The following STXBP5 variants were observed in gnomAD, a reference collection of about 807,000 sequenced individuals.
The protein encoded by STXBP5 is syntaxin binding protein 5, also known as syntaxin-binding protein 5.
In STXBP5, 50 loss-of-function variants were observed where a neutral mutation model predicts 152.4. The observed-to-expected ratio is 0.33, with a 90% CI of 0.26 to 0.42. The LOEUF is 0.42. Ranked by LOEUF, STXBP5 falls within the 10% of genes least tolerant of loss-of-function variation. The pLI is 1.00. For missense variants in STXBP5, 1,167 were observed against 1,388.6 expected (o/e 0.84, Z 2.54); for synonymous variants, 492 against 494.7 (o/e 0.99, Z 0.07).
intron 4 of STXBP5, among the ~76,000 whole-genome samples, chr6:147,243,857 ATC>A (rs1424573617): frequency 6.6e-6 from 1 of 151,948 alleles, no homozygotes; most frequent in Non-Finnish European, 1.5e-5. Context: ...TGAAAAGATT[ATC>A]TGTTTCCCAT....
intron 6 of STXBP5, among the ~76,000 whole-genome samples, chr6:147,265,693 G>A (rs568934421): frequency 1.4e-4 from 22 of 151,970 alleles, no homozygotes; most frequent in Admixed American, 5.9e-4. Context: ...TGTGGGCAGC[G>A]TACATAGTTT....
intron 23 of STXBP5, 36 bp downstream of exon 23, chr6:147,359,359 G>A (rs1784959405): frequency 6.3e-7 from 1 of 1,586,860 alleles, no homozygotes; most frequent in Admixed American, 1.8e-5. Context: ...TTACATTACA[G>A]GTGTGATTTA....
intron 7 of STXBP5, among the ~76,000 whole-genome samples, chr6:147,269,967 A>G (rs1450975926): frequency 6.6e-6 from 1 of 152,170 alleles, no homozygotes; most frequent in Non-Finnish European, 1.5e-5. Context: ...AGTTGAATGA[A>G]CTCTAGGCAG....
At chr6:147,237,414 TAAG>T (rs1234277180) in intron 3 of STXBP5, among the ~76,000 whole-genome samples, 1 of 152,200 alleles carries the variant, frequency 6.6e-6, no homozygotes, top group Non-Finnish European at 1.5e-5. Context: ...GGAGCCACCA[TAAG>T]AAGAAGACAG....
chr6:147,219,534 T>G (rs1042565237), intron 2 of STXBP5, among the ~76,000 whole-genome samples: 3 of 152,186 alleles, frequency 2.0e-5, no homozygotes, highest in Non-Finnish European at 4.4e-5. Flanking sequence ...CTTTCTATTT[T>G]GGGAATCTAT....
intron 5 of STXBP5, among the ~76,000 whole-genome samples, chr6:147,261,649 G>T (rs1779645201): frequency 6.6e-6 from 1 of 151,834 alleles, no homozygotes; most frequent in South Asian, 2.1e-4. Context: ...TGGTAGGGTG[G>T]GTTTTCATGG....
At position 147,339,297 on chromosome 6, in the gene STXBP5, G is replaced by C. The variant is rs74544009; in HGVS notation, c.2207-40G>C. The C allele has an allele frequency of 1.6e-3, 2,401 of 1,509,696 alleles. 31 individuals are homozygous for C. In the African/African-American group the frequency reaches 0.028, roughly 18 times the overall value. 93.5% of individuals were successfully genotyped at this position (1,509,696 alleles called of 1,614,324 possible). On this transcript the variant is annotated intron_variant, in intron 20 of 27. Transcript: ENST00000321680. ...ATGTTTAATTTATTTAGTTTACTTTGACTAGATTTTGACATTTTATATCAA... is the reference window on the plus strand; with the variant it reads ...ATGTTTAATTTATTTAGTTTACTTTCACTAGATTTTGACATTTTATATCAA...
At chr6:147,227,025 G>T (rs1194732405) in intron 2 of STXBP5, among the ~76,000 whole-genome samples, 1 of 152,112 alleles carries the variant, frequency 6.6e-6, no homozygotes, top group Non-Finnish European at 1.5e-5. Flanking sequence ...CAGCAGGTAG[G>T]GTTAGAAAGA....
rs1786273400 is a variant in STXBP5, at chr6:147,385,019, C to T, written c.*264C>T. The T allele has an allele frequency of 4.5e-6, 2 of 443,900 alleles. No homozygotes were observed. The highest frequency in any genetic ancestry group is 4.1e-5 in the Admixed American group (1 of 24,176). The allele number at this position is 443,900 out of a possible 1,614,324, so 27.5% of individuals were successfully genotyped here. ...GGTCACACGTGACAGATGAAGAAAC[C>T]AAGGGGGCTGCTGAGGAGACCTGGT... On this transcript the variant is annotated 3_prime_UTR_variant, in exon 28 of 28. Transcript: ENST00000321680.
chr6:147,326,637 C>T (rs1023774455), intron 17 of STXBP5, among the ~76,000 whole-genome samples: 3 of 152,100 alleles, frequency 2.0e-5, no homozygotes, highest in African/African-American at 7.2e-5. Flanking sequence ...GTTTATAGTT[C>T]CTGACTCATA....
chr6:147,256,631 A>C (rs1258998011), intron 4 of STXBP5, among the ~76,000 whole-genome samples: 2 of 152,194 alleles, frequency 1.3e-5, no homozygotes, highest in African/African-American at 4.8e-5. Context: ...TCGAAAAGAT[A>C]ACTCTTGTGG....
chr6:147,314,203 A>ACT (rs1782523538), intron 12 of STXBP5, 61 bp from the exon 13 acceptor site: 1 of 1,428,642 alleles, frequency 7.0e-7, no homozygotes, highest in Admixed American at 1.7e-5. Context: ...ACACACACAC[A>ACT]CACACACGGA....
chr6:147,284,460 A>G (rs548381826), intron 8 of STXBP5, among the ~76,000 whole-genome samples: 1 of 152,324 alleles, frequency 6.6e-6, no homozygotes, highest in South Asian at 2.1e-4. Context: ...GCTCATCATC[A>G]AGTGAATAAA....
chr6:147,384,464 G>C (rs1222185379), intron 27 of STXBP5, among the ~76,000 whole-genome samples: 1 of 152,044 alleles, frequency 6.6e-6, no homozygotes, highest in Non-Finnish European at 1.5e-5. Flanking sequence ...TATATTACTA[G>C]CTTAGGTCAC....
At position 147,342,576 on chromosome 6, in the gene STXBP5, T is replaced by C. The variant is rs147945603; in HGVS notation, c.2254+3192T>C. Among the ~76,000 whole-genome samples, 772 of 152,318 alleles carry C rather than the reference T, an allele frequency of 5.1e-3. 5 individuals are homozygous for C. Among genetic ancestry groups the C allele is most frequent in the African/African-American group, 0.018 (749 of 41,558 alleles). On this transcript the variant is annotated intron_variant, in intron 21 of 27. Transcript: ENST00000321680. ...CTGTGTATACCTTATAAATCTTTAT[T>C]AGTAAAATCTTGATTACCAACATTT...
At position 147,363,399 on chromosome 6, in the gene STXBP5, A is replaced by C; in HGVS notation, c.2610A>C (p.Leu870Phe). Residue 870 changes from leucine to phenylalanine, a missense_variant, in exon 24 of 28, where the codon TTA becomes TTC. By Grantham distance (22) the Leu-to-Phe change is conservative (BLOSUM62 0). This residue lies in a region of STXBP5 where 833 missense variants were observed against 986.3 expected (regional missense o/e 0.84). Coordinates refer to ENST00000321680, the MANE Select transcript of STXBP5 (RefSeq NM_001127715.4). Reference sequence around the variant, plus strand: ...CATTTCTGGATACCACAGGCTGCTTAATACCACCTGCGTATGAACCCTGGA... The same window carrying C: ...CATTTCTGGATACCACAGGCTGCTTCATACCACCTGCGTATGAACCCTGGA... ...RMAFLDTTGC[L>F]IPPAYEPWRE... 6.2e-7 allele frequency: 1 copy of C among 1,614,040 alleles called. No individual in the cohort carries two copies.
chr6:147,262,207 A>G (rs1381940831), intron 5 of STXBP5, 83 bp from the exon 6 acceptor site: 9 of 794,308 alleles, frequency 1.1e-5, no homozygotes, highest in Admixed American at 3.1e-5. Flanking sequence ...CTTATTTTCT[A>G]TTTATTTTTA....
chr6:147,206,610 C>G (rs1305304564), intron 2 of STXBP5, among the ~76,000 whole-genome samples: 1 of 151,944 alleles, frequency 6.6e-6, no homozygotes, highest in Non-Finnish European at 1.5e-5. Context: ...GTTTTTAGAG[C>G]GTTTTCTTGA....
At chr6:147,307,603 A>G (rs1782158627) in intron 9 of STXBP5, among the ~76,000 whole-genome samples, 1 of 152,180 alleles carries the variant, frequency 6.6e-6, no homozygotes. Context: ...AGGCATTATA[A>G]TGAAAAAACA....
Sources: gnomAD v4.1 joint callset for allele counts (sites outside exome capture counted in the v4.1 genomes callset) on GRCh38, gnomAD v4.1.1 for gene constraint, gnomAD v4.1.1 regional missense constraint, MANE v1.5 for transcripts, NCBI Gene and HGNC (gene_info 2026-07-23, HGNC 2026-07-21) for gene names.